Variants in PXDNL observed in about 807,000 individuals in gnomAD.
PXDNL encodes probable oxidoreductase PXDNL.
A neutral mutation model predicts 150.8 loss-of-function variants in PXDNL; 145 were observed. The ratio of observed to expected loss-of-function variants is 0.96; its 90% CI spans 0.84 to 1.10. The LOEUF (loss-of-function observed/expected upper bound fraction) is 1.10, where lower values mean the gene tolerates loss of function less well. Ranked by LOEUF, PXDNL falls within the 50% of genes least tolerant of loss-of-function variation. PXDNL has a pLI of 0.00. For missense variants in PXDNL, 2,087 were observed against 1,873.9 expected, an observed-to-expected ratio of 1.11 and a Z score of -2.10; for synonymous variants, 757 against 725.7, an observed-to-expected ratio of 1.04 and a Z score of -0.69.
intron 3 of PXDNL, among the ~76,000 whole-genome samples, chr8:51,577,504 G>A (rs1374496056): frequency 6.8e-6 from 1 of 147,312 alleles, no homozygotes; most frequent in Non-Finnish European, 1.5e-5. Context: ...GACTGACAAA[G>A]AACAAGAGAG....
chr8:51,421,288 T>C (rs1563405047), intron 14 of PXDNL, among the ~76,000 whole-genome samples: 1 of 152,192 alleles, frequency 6.6e-6, no homozygotes, highest in Non-Finnish European at 1.5e-5. Context: ...TCATAAATAG[T>C]TGAATAGCAA....
chr8:51,580,941 C>T (rs1318544831), intron 3 of PXDNL, among the ~76,000 whole-genome samples: 1 of 152,112 alleles, frequency 6.6e-6, no homozygotes, highest in Non-Finnish European at 1.5e-5. Context: ...AGCAAATATA[C>T]AATGCAAAAC....
intron 1 of PXDNL, among the ~76,000 whole-genome samples, chr8:51,662,968 T>C (rs1815306941): frequency 6.6e-6 from 1 of 152,252 alleles, no homozygotes; most frequent in Non-Finnish European, 1.5e-5. Flanking sequence ...TGAATCTGGC[T>C]TGCCAATGAA....
intron 4 of PXDNL, among the ~76,000 whole-genome samples, chr8:51,505,364 G>A (rs1043230980): frequency 1.3e-5 from 2 of 152,190 alleles, no homozygotes; most frequent in African/African-American, 2.4e-5. Context: ...AGCTTTCAGC[G>A]TGAACTCACT....
rs549664925 is a variant in PXDNL at position 51,755,303 on chromosome 8, T to G, written c.164+53878A>C. ...ATGATGGAATAGAATGTTTTGTTTT[T>G]TTTTTTTTGAGACAGAGTCTCGCTG... On this transcript the variant is annotated intron_variant, in intron 1 of 22. Transcript: ENST00000356297. 7.2e-5 allele frequency among the ~76,000 whole-genome samples: 11 copies of G among 152,188 alleles called. 1 individual carries two copies. Among genetic ancestry groups the G allele is most frequent in the African/African-American group, 1.9e-4 (8 of 41,546 alleles).
At position 51,343,960 on chromosome 8, in the gene PXDNL, A is replaced by C. The variant is rs149537904; in HGVS notation, c.4016+1873T>G. On this transcript the variant is annotated intron_variant, in intron 20 of 22. Transcript: ENST00000356297. ...TTGCCTGGATTAGCTCCAGGAACACAAAATATATTTCATTTCCTCACCCTG... is the reference window on the plus strand; with the variant it reads ...TTGCCTGGATTAGCTCCAGGAACACCAAATATATTTCATTTCCTCACCCTG... Among the ~76,000 whole-genome samples, 646 of 152,294 alleles carry C rather than the reference A, an allele frequency of 4.2e-3. 2 individuals are homozygous for C. Among genetic ancestry groups the C allele is most frequent in the Middle Eastern group, 0.01 (3 of 294 alleles).
At chr8:51,534,091 C>T (rs1450892129) in intron 4 of PXDNL, among the ~76,000 whole-genome samples, 1 of 144,494 alleles carries the variant, frequency 6.9e-6, no homozygotes, top group Non-Finnish European at 1.5e-5. Context: ...CGTGTCTCTG[C>T]CCGGCCGCCC....
At chr8:51,502,200 G>A (rs1291622423) in intron 4 of PXDNL, among the ~76,000 whole-genome samples, 1 of 152,148 alleles carries the variant, frequency 6.6e-6, no homozygotes, top group Admixed American at 6.5e-5. Context: ...GGAAAAATGT[G>A]GTACAGAGAT....
At chr8:51,613,959 G>A (rs1327846839) in intron 2 of PXDNL, among the ~76,000 whole-genome samples, 3 of 152,132 alleles carry the variant, frequency 2.0e-5, no homozygotes, top group Non-Finnish European at 4.4e-5. Context: ...AGGTTTCTGG[G>A]CCTGAAAGAA....
intron 1 of PXDNL, among the ~76,000 whole-genome samples, chr8:51,717,229 C>T (rs1239880112): frequency 6.6e-6 from 1 of 152,180 alleles, no homozygotes; most frequent in African/African-American, 2.4e-5. Flanking sequence ...CTCTTGCAGA[C>T]ATCTTATAAT....
intron 3 of PXDNL, among the ~76,000 whole-genome samples, chr8:51,564,077 A>G (rs541673471): frequency 6.6e-6 from 1 of 152,138 alleles, no homozygotes; most frequent in African/African-American, 2.4e-5. Flanking sequence ...AAAAGATCCT[A>G]CATTTAATTA....
chr8:51,456,609 C>A (rs529833416), intron 9 of PXDNL, among the ~76,000 whole-genome samples: 1 of 152,288 alleles, frequency 6.6e-6, no homozygotes, highest in Non-Finnish European at 1.5e-5. Flanking sequence ...TCAAAACTAA[C>A]AAATTCATCC....
chr8:51,465,043 C>T (rs183720491), intron 8 of PXDNL, among the ~76,000 whole-genome samples: 92 of 152,170 alleles, frequency 6.0e-4, no homozygotes, highest in Admixed American at 4.3e-3. Context: ...GATCCTCCCT[C>T]GCTCATTCTA....
Position 51,705,830 on chromosome 8 carries a change from T to TGC in PXDNL, c.165-51071_165-51070insGC, listed in dbSNP as rs1206792030. ...CACTGTGTGTGTGTGTGTGTGTGTGTGTGCGCGCGCGCGCGCGCGCGCGTG... is the reference window on the plus strand; with the variant it reads ...CACTGTGTGTGTGTGTGTGTGTGTGTGCGTGCGCGCGCGCGCGCGCGCGCGTG... On this transcript the variant is annotated intron_variant, in intron 1 of 22. Coordinates refer to ENST00000356297, the MANE Select transcript of PXDNL (RefSeq NM_144651.5). Among the ~76,000 whole-genome samples the TGC allele has an allele frequency of 5.2e-4, 30 of 57,676 alleles. No homozygotes were observed. In the East Asian group the frequency reaches 0.013, roughly 24 times the overall value. The allele number at this position is 57,676 out of a possible 152,430, so 37.8% of individuals were successfully genotyped here.
chr8:51,602,182 C>G (rs1273780859), intron 2 of PXDNL, among the ~76,000 whole-genome samples: 1 of 151,568 alleles, frequency 6.6e-6, no homozygotes, highest in Non-Finnish European at 1.5e-5. Context: ...TGTGTAGTAT[C>G]TCACAGGTGT....
rs534273507 is a variant in PXDNL, at chr8:51,723,790, A to C, written c.165-69030T>G. ...CAGCCACTGAAAACATTAGGCAGGG[A>C]GGGGGCGCGGTCAGGCTTGCCTTTA... On this transcript the variant is annotated intron_variant, in intron 1 of 22. Coordinates refer to ENST00000356297, the MANE Select transcript of PXDNL (RefSeq NM_144651.5). Among the ~76,000 whole-genome samples the C allele has an allele frequency of 6.6e-5, 10 of 152,092 alleles. 1 individual carries two copies. In the South Asian group the frequency reaches 2.1e-3, roughly 32 times the overall value.
rs770342688 is a variant in PXDNL at position 51,408,238 on chromosome 8, G to A, written c.3386C>T (p.Ala1129Val). 1 of 1,613,852 alleles carries A rather than the reference G, an allele frequency of 6.2e-7. No individual in the cohort carries two copies. The highest frequency in any genetic ancestry group is 8.5e-7 in the Non-Finnish European group (1 of 1,179,904). ...CGAATCCACGGCCGCAGAATAAGCC[G>A]CGGAGAAGAGCCTCTGGGTCAGCTC... Reference protein sequence around the residue: ...SPELTQRLFSAAYSAAVDSAA... With the variant: ...SPELTQRLFSVAYSAAVDSAA... Residue 1129 changes from alanine to valine, a missense_variant, in exon 17 of 23, where the codon GCG (alanine) becomes GTG (valine). Coordinates refer to ENST00000356297, the MANE Select transcript of PXDNL (RefSeq NM_144651.5).
intron 1 of PXDNL, among the ~76,000 whole-genome samples, chr8:51,746,866 T>A (rs2036989181): frequency 6.6e-6 from 1 of 151,828 alleles, no homozygotes; most frequent in Non-Finnish European, 1.5e-5. Flanking sequence ...GGACTACAGG[T>A]GCACGCCACC....
At chr8:51,753,615 G>GT (rs2037069377) in intron 1 of PXDNL, among the ~76,000 whole-genome samples, 5 of 152,140 alleles carry the variant, frequency 3.3e-5, no homozygotes, top group African/African-American at 1.2e-4. Context: ...GGTTCATTGG[G>GT]TTTTTTTGCC....
Sources: allele counts gnomAD v4.1 joint callset (sites outside exome capture counted in the v4.1 genomes callset), GRCh38; gene constraint gnomAD v4.1.1; transcripts MANE v1.5; gene names NCBI Gene and HGNC (gene_info 2026-07-23, HGNC 2026-07-21).